Variants in ANKS1B observed in about 807,000 individuals in gnomAD.
The protein encoded by ANKS1B is ankyrin repeat and sterile alpha motif domain-containing protein 1B.
A neutral mutation model predicts 148.3 loss-of-function variants in ANKS1B; 36 were observed. The ratio of observed to expected loss-of-function variants is 0.24; its 90% CI spans 0.19 to 0.32. ANKS1B has a LOEUF of 0.32. Ranked by LOEUF, ANKS1B falls within the 10% of genes least tolerant of loss-of-function variation. The probability of loss-of-function intolerance (pLI) is 1.00; values close to 1 mark genes in which losing one functional copy is unlikely to be tolerated. For missense variants in ANKS1B, 1,157 were observed against 1,542.6 expected (o/e 0.75, Z 4.19); for synonymous variants, 542 against 560.8 (o/e 0.97, Z 0.47).
At chr12:99,839,376 G>C (rs984926022) in intron 1 of ANKS1B, among the ~76,000 whole-genome samples, 1 of 152,048 alleles carries the variant, frequency 6.6e-6, no homozygotes, top group Non-Finnish European at 1.5e-5. Flanking sequence ...AACAGTCTTA[G>C]GCAAGGTACT....
At chr12:98,935,879 A>T (rs768174883) in intron 17 of ANKS1B, among the ~76,000 whole-genome samples, 15 of 152,218 alleles carry the variant, frequency 9.9e-5, no homozygotes, top group Non-Finnish European at 1.6e-4. Context: ...ATGTATACTA[A>T]CAAACAAAAC....
chr12:99,057,034 C>T (rs1014785806), intron 16 of ANKS1B, among the ~76,000 whole-genome samples: 1 of 152,178 alleles, frequency 6.6e-6, no homozygotes, highest in African/African-American at 2.4e-5. Flanking sequence ...TTACTTTCCT[C>T]TTTCTGTTTA....
intron 17 of ANKS1B, among the ~76,000 whole-genome samples, chr12:98,938,747 A>G (rs1428930133): frequency 6.6e-6 from 1 of 152,270 alleles, no homozygotes; most frequent in Non-Finnish European, 1.5e-5. Flanking sequence ...AGAATAGATC[A>G]CATTGCAGAA....
rs575598621 is a variant in ANKS1B at position 99,402,162 on chromosome 12, G to T, written c.1576-2351C>A. On this transcript the variant is annotated intron_variant, in intron 11 of 26. Coordinates refer to ENST00000683438, the MANE Select transcript of ANKS1B (RefSeq NM_001352186.2). Reference sequence around the variant, plus strand: ...TATTTCCTAGCCTGACTTGCCTTTGGGTTGGGCAATGTGACTAATTCTCAT... The same window carrying T: ...TATTTCCTAGCCTGACTTGCCTTTGTGTTGGGCAATGTGACTAATTCTCAT... 6.9e-5 allele frequency among the ~76,000 whole-genome samples: 10 copies of T among 145,816 alleles called. 1 individual carries two copies. Among genetic ancestry groups the T allele is most frequent in the Non-Finnish European group, 1.5e-4 (10 of 66,118 alleles).
At chr12:99,136,151 C>T (rs1466311177) in intron 15 of ANKS1B, among the ~76,000 whole-genome samples, 3 of 152,198 alleles carry the variant, frequency 2.0e-5, no homozygotes, top group Admixed American at 2.0e-4. Context: ...CTCTAATGTT[C>T]CCAGTAACTG....
rs145480552 is a variant in ANKS1B at position 99,643,395 on chromosome 12, C to A, written c.1272+11672G>T. On this transcript the variant is annotated intron_variant, in intron 9 of 26. Coordinates refer to ENST00000683438, the MANE Select transcript of ANKS1B (RefSeq NM_001352186.2). The stretch of plus-strand genomic sequence containing the variant: ...GTGTAGCGAAACAATTATAGATATC[C>A]CCAACCAAAGAGAGAGAAATGAAAA... Among the ~76,000 whole-genome samples the A allele has an allele frequency of 9.6e-3, 1,459 of 152,074 alleles. 22 individuals carry two copies. Among genetic ancestry groups the A allele is most frequent in the African/African-American group, 0.033 (1,356 of 41,444 alleles).
At chr12:99,583,895 C>G (rs568202656) in intron 9 of ANKS1B, among the ~76,000 whole-genome samples, 35 of 152,350 alleles carry the variant, frequency 2.3e-4, no homozygotes, top group African/African-American at 8.4e-4. Flanking sequence ...CACAGCAATA[C>G]TGGCACATGC....
chr12:99,623,578 A>T (rs2098080353), intron 9 of ANKS1B, among the ~76,000 whole-genome samples: 1 of 152,008 alleles, frequency 6.6e-6, no homozygotes, highest in African/African-American at 2.4e-5. Context: ...AACATATAAA[A>T]CTTACTAGCA....
At chr12:99,279,868 G>T (rs987469314) in intron 12 of ANKS1B, among the ~76,000 whole-genome samples, 1 of 152,024 alleles carries the variant, frequency 6.6e-6, no homozygotes, top group Non-Finnish European at 1.5e-5. Context: ...AGCTGGGCAT[G>T]TGGTGCATGC....
chr12:99,868,206 A>C (rs1256592914), intron 1 of ANKS1B, among the ~76,000 whole-genome samples: 2 of 152,236 alleles, frequency 1.3e-5, no homozygotes, highest in Non-Finnish European at 2.9e-5. Context: ...CTTTGGGAGT[A>C]GTAAATGGAA....
intron 17 of ANKS1B, among the ~76,000 whole-genome samples, chr12:98,953,537 G>GTGTTTTTTTTTT: frequency 1.7e-5 from 1 of 57,456 alleles, no homozygotes; most frequent in South Asian, 7.0e-4. Flanking sequence ...ATCTAGAGTG[G>GTGTTTTTTTTTT]TTTTTTTTTT....
chr12:99,266,208 A>G (rs551370496), intron 12 of ANKS1B, among the ~76,000 whole-genome samples: 1 of 152,240 alleles, frequency 6.6e-6, no homozygotes, highest in South Asian at 2.1e-4. Context: ...AAAACATTCC[A>G]GTGACATAGG....
intron 19 of ANKS1B, among the ~76,000 whole-genome samples, chr12:98,816,736 T>G (rs960726419): frequency 6.6e-6 from 1 of 152,182 alleles, no homozygotes; most frequent in Non-Finnish European, 1.5e-5. Flanking sequence ...AATCTTGCTT[T>G]TAATCAACGT....
chr12:99,779,289 A>G (rs776386497), intron 6 of ANKS1B, among the ~76,000 whole-genome samples: 18 of 152,192 alleles, frequency 1.2e-4, no homozygotes, highest in Non-Finnish European at 2.6e-4. Flanking sequence ...ATTTTATACC[A>G]TTGGATTAGG....
In ANKS1B at chr12:99,261,592, T is replaced by C. The variant is rs1300931248; in HGVS notation, c.1757-14728A>G. On this transcript the variant is annotated intron_variant, in intron 12 of 26. Transcript: ENST00000683438. ...CTGTCTTAGTTATCCTTATGCCTCC[T>C]TTTCTCTCACACCCCACAGCCAATC... Among the ~76,000 whole-genome samples, 3 of 152,146 alleles carry C rather than the reference T, an allele frequency of 2.0e-5. No homozygotes were observed. The East Asian group carries it at 5.8e-4, about 29-fold the overall frequency.
intron 10 of ANKS1B, among the ~76,000 whole-genome samples, chr12:99,465,609 A>C (rs892369748): frequency 1.1e-4 from 17 of 152,168 alleles, no homozygotes; most frequent in Non-Finnish European, 7.4e-5. Flanking sequence ...TCTACCAAGC[A>C]AATGGAAAAC....
At chr12:99,372,552 A>G (rs2093194410) in intron 12 of ANKS1B, among the ~76,000 whole-genome samples, 1 of 152,136 alleles carries the variant, frequency 6.6e-6, no homozygotes, top group South Asian at 2.1e-4. Flanking sequence ...ATGATATTTT[A>G]TGATATGTTT....
At chr12:99,064,670 C>G (rs976325505) in intron 16 of ANKS1B, among the ~76,000 whole-genome samples, 5 of 152,168 alleles carry the variant, frequency 3.3e-5, no homozygotes, top group African/African-American at 1.2e-4. Flanking sequence ...TCATCTGTGC[C>G]CAGGGAGATT....
intron 8 of ANKS1B, among the ~76,000 whole-genome samples, chr12:99,772,517 G>A (rs946554680): frequency 6.6e-6 from 1 of 152,084 alleles, no homozygotes; most frequent in African/African-American, 2.4e-5. Context: ...TCAGGAGGAA[G>A]TGAGGAAACT....
Sources: allele counts gnomAD v4.1 joint callset (sites outside exome capture counted in the v4.1 genomes callset), GRCh38; gene constraint gnomAD v4.1.1; transcripts MANE v1.5; gene names NCBI Gene and HGNC (gene_info 2026-07-23, HGNC 2026-07-21).